Variants in SGMS1 observed in about 807,000 individuals in gnomAD.
The protein encoded by SGMS1 is sphingomyelin synthase 1.
A neutral mutation model predicts 46.2 loss-of-function variants in SGMS1; 13 were observed. The observed-to-expected ratio is 0.28, with a 90% CI of 0.18 to 0.45. The LOEUF is 0.45. Among genes scored for constraint, SGMS1 ranks in the 20% least tolerant of loss-of-function variants. SGMS1 has a pLI of 1.00. For synonymous variants in SGMS1, 203 were observed against 187.8 expected (o/e 1.08, Z -0.66); for missense variants, 324 against 519.9 (o/e 0.62, Z 3.66).
intron 6 of SGMS1, among the ~76,000 whole-genome samples, chr10:50,427,561 G>A (rs1849345783): frequency 6.6e-6 from 1 of 152,170 alleles, no homozygotes; most frequent in Admixed American, 6.5e-5. Flanking sequence ...CTAAGGAAGG[G>A]GGGAAAGAGA....
chr10:50,430,240 G>C (rs1849389243), intron 6 of SGMS1, among the ~76,000 whole-genome samples: 1 of 152,136 alleles, frequency 6.6e-6, no homozygotes, highest in East Asian at 1.9e-4. Flanking sequence ...AAAATGAAAA[G>C]TTGAAAACAA....
chr10:50,345,123 C>CT (rs942743753), intron 6 of SGMS1, among the ~76,000 whole-genome samples: 9 of 112,882 alleles, frequency 8.0e-5, no homozygotes, highest in Non-Finnish European at 1.6e-4. Context: ...TTTTTATATT[C>CT]TTTAAAAAAA....
intron 2 of SGMS1, among the ~76,000 whole-genome samples, chr10:50,530,737 G>A (rs1022094379): frequency 6.6e-6 from 1 of 151,656 alleles, no homozygotes; most frequent in African/African-American, 2.4e-5. Context: ...CTCCCGCCTC[G>A]GCCTCTCGAA....
chr10:50,609,009 G>C (rs1838722198), intron 1 of SGMS1, among the ~76,000 whole-genome samples: 1 of 152,068 alleles, frequency 6.6e-6, no homozygotes, highest in Non-Finnish European at 1.5e-5. Flanking sequence ...TTTTGACACA[G>C]GGTCTCACTC....
chr10:50,341,836 C>T (rs1265868144), intron 7 of SGMS1, among the ~76,000 whole-genome samples: 1 of 152,022 alleles, frequency 6.6e-6, no homozygotes, highest in Non-Finnish European at 1.5e-5. Flanking sequence ...AGGAAAATTT[C>T]CTGTTGGGAA....
chr10:50,448,375 A>G (rs1343850327), intron 5 of SGMS1, among the ~76,000 whole-genome samples: 1 of 152,200 alleles, frequency 6.6e-6, no homozygotes, highest in African/African-American at 2.4e-5. Flanking sequence ...TCTGCAGTCA[A>G]TCTATTGTGA....
intron 7 of SGMS1, chr10:50,336,014 A>G (rs1847710374): frequency 6.6e-6 from 1 of 152,242 alleles, no homozygotes; most frequent in Non-Finnish European, 1.5e-5. Flanking sequence ...TAGAAAAGGT[A>G]GAAGCAAAGA....
intron 7 of SGMS1, chr10:50,335,456 T>A (rs1308357678): frequency 6.6e-6 from 1 of 152,244 alleles, no homozygotes; most frequent in Non-Finnish European, 1.5e-5. Flanking sequence ...ATAATTTTCA[T>A]TTTGTAGGTA....
At chr10:50,500,082 C>A (rs578147504) in intron 3 of SGMS1, among the ~76,000 whole-genome samples, 1 of 152,158 alleles carries the variant, frequency 6.6e-6, no homozygotes, top group African/African-American at 2.4e-5. Flanking sequence ...GCAAGAGGAT[C>A]GCTTGAACCC....
chr10:50,505,358 G>A (rs17440448), intron 3 of SGMS1, among the ~76,000 whole-genome samples: 1 of 151,988 alleles, frequency 6.6e-6, no homozygotes, highest in Non-Finnish European at 1.5e-5. Flanking sequence ...AATTTATAAC[G>A]AACAAAAGTC....
intron 6 of SGMS1, among the ~76,000 whole-genome samples, chr10:50,399,983 C>T (rs1045957133): frequency 5.3e-5 from 8 of 149,898 alleles, no homozygotes; most frequent in Non-Finnish European, 8.9e-5. Context: ...GAGCCGGGAT[C>T]GCGCCACTGC....
At chr10:50,425,957 A>T (rs1421901022) in intron 6 of SGMS1, among the ~76,000 whole-genome samples, 1 of 152,248 alleles carries the variant, frequency 6.6e-6, no homozygotes, top group East Asian at 1.9e-4. Context: ...ATATGTACAA[A>T]GATATTCATT....
At chr10:50,328,773 G>A (rs1333938554) in intron 7 of SGMS1, among the ~76,000 whole-genome samples, 1 of 152,098 alleles carries the variant, frequency 6.6e-6, no homozygotes, top group African/African-American at 2.4e-5. Flanking sequence ...AGCTGTCTTG[G>A]CAATCTATAT....
chr10:50,376,933 A>G lies in SGMS1; in HGVS notation c.-231-32588T>C, dbSNP rs894965863. 2.6e-5 allele frequency among the ~76,000 whole-genome samples: 4 copies of G among 152,176 alleles called. No individual in the cohort carries two copies. In the South Asian group the frequency reaches 8.3e-4, roughly 31 times the overall value. On this transcript the variant is annotated intron_variant, in intron 6 of 10. Transcript: ENST00000361781. ...TCTACAGAAACAATTTCCATGAAAA[A>G]AGGTTACTCATATCCAGAGTGAGCA...
chr10:50,525,749 C>T (rs1837895442), intron 2 of SGMS1, among the ~76,000 whole-genome samples: 1 of 152,222 alleles, frequency 6.6e-6, no homozygotes, highest in South Asian at 2.1e-4. Flanking sequence ...CTGCTATGAG[C>T]AATGGATAGC....
chr10:50,366,093 C>G (rs1201698730), intron 6 of SGMS1, among the ~76,000 whole-genome samples: 1 of 152,136 alleles, frequency 6.6e-6, no homozygotes, highest in African/African-American at 2.4e-5. Flanking sequence ...TCTGATTAAA[C>G]TAAAGAGTTT....
chr10:50,347,299 G>A (rs1847930950), intron 6 of SGMS1, among the ~76,000 whole-genome samples: 1 of 151,080 alleles, frequency 6.6e-6, no homozygotes, highest in Admixed American at 6.6e-5. Flanking sequence ...TGGCTTAATG[G>A]AAAACAAACC....
chr10:50,368,071 G>A (rs868138662), intron 6 of SGMS1, among the ~76,000 whole-genome samples: 19 of 152,218 alleles, frequency 1.2e-4, no homozygotes, highest in Admixed American at 5.2e-4. Context: ...TAATGGAATT[G>A]CAAGAACTAG....
intron 5 of SGMS1, among the ~76,000 whole-genome samples, chr10:50,450,846 A>G (rs1020462269): frequency 6.6e-6 from 1 of 151,938 alleles, no homozygotes; most frequent in East Asian, 1.9e-4. Flanking sequence ...AATTTATTCA[A>G]TTTATTAAAA....
Sources: gnomAD v4.1 joint callset for allele counts (sites outside exome capture counted in the v4.1 genomes callset) on GRCh38, gnomAD v4.1.1 for gene constraint, MANE v1.5 for transcripts, NCBI Gene and HGNC (gene_info 2026-07-23, HGNC 2026-07-21) for gene names.